P2RX7: variants seen among roughly 807,000 people sequenced by gnomAD.
P2RX7 encodes purinergic receptor P2X 7, also known as P2X purinoceptor 7.
A neutral mutation model predicts 71.6 loss-of-function variants in P2RX7; 62 were observed. That is an observed-to-expected ratio of 0.87 (90% CI 0.71 to 1.07). The LOEUF (loss-of-function observed/expected upper bound fraction) is 1.07. P2RX7 is among the 50% of genes least tolerant of loss of function. The pLI is 0.00. For synonymous variants in P2RX7, 299 were observed against 283.3 expected (o/e 1.06, Z -0.56); for missense variants, 686 against 748.5 (o/e 0.92, Z 0.97).
intron 4 of P2RX7, among the ~76,000 whole-genome samples, chr12:121,161,666 C>T (rs1879747471): frequency 6.6e-6 from 1 of 151,690 alleles, no homozygotes; most frequent in South Asian, 2.1e-4. Context: ...GTGGCACACG[C>T]TTATAATCCC....
At chr12:121,157,968 G>C (rs567864547) in intron 3 of P2RX7, among the ~76,000 whole-genome samples, 1 of 152,312 alleles carries the variant, frequency 6.6e-6, no homozygotes, top group East Asian at 1.9e-4. Context: ...GTCACTCAGA[G>C]TGACTGGAAC....
At chr12:121,144,765 G>T (rs952614758) in intron 1 of P2RX7, among the ~76,000 whole-genome samples, 2 of 152,144 alleles carry the variant, frequency 1.3e-5, no homozygotes, top group Non-Finnish European at 2.9e-5. Flanking sequence ...GAGAGAAGTA[G>T]ATGAATTTGA....
chr12:121,177,598 T>G, intron 11 of P2RX7, 152 bp downstream of exon 11: 1 of 787,730 alleles, frequency 1.3e-6, no homozygotes, highest in African/African-American at 1.7e-5. Context: ...TCAGATAAAT[T>G]TTTTGGTCTT....
At chr12:121,175,108 G>A (rs561086119) in intron 8 of P2RX7, among the ~76,000 whole-genome samples, 14 of 152,002 alleles carry the variant, frequency 9.2e-5, no homozygotes, top group African/African-American at 2.2e-4. Flanking sequence ...TCAGGAGTTC[G>A]AGACCAGCCT....
intron 1 of P2RX7, among the ~76,000 whole-genome samples, chr12:121,148,146 G>A (rs1371991834): frequency 6.6e-6 from 1 of 151,984 alleles, no homozygotes; most frequent in Non-Finnish European, 1.5e-5. Context: ...ATATCTAGAA[G>A]ACACTCCCAT....
At chr12:121,168,450 G>A (rs566750128) in intron 8 of P2RX7, among the ~76,000 whole-genome samples, 43 of 152,054 alleles carry the variant, frequency 2.8e-4, no homozygotes, top group Non-Finnish European at 4.0e-4. Flanking sequence ...TGTATATTCA[G>A]TAGAGATGGG....
intron 1 of P2RX7, among the ~76,000 whole-genome samples, chr12:121,153,294 C>A (rs1877846110): frequency 6.6e-6 from 1 of 152,186 alleles, no homozygotes; most frequent in African/African-American, 2.4e-5. Context: ...GGGCAGCCAT[C>A]ATCTTAGACT....
rs1246748796 is a variant in P2RX7, at chr12:121,185,779, G to C, written c.*977G>C. 2 of 152,192 alleles carry C rather than the reference G, an allele frequency of 1.3e-5. No individual in the cohort carries two copies. Among genetic ancestry groups the C allele is most frequent in the African/African-American group, 4.8e-5 (2 of 41,396 alleles). The allele number at this position is 152,192 out of a possible 1,614,324, so 9.4% of individuals were successfully genotyped here. On this transcript the variant is annotated 3_prime_UTR_variant, in exon 13 of 13. Coordinates refer to ENST00000328963, the MANE Select transcript of P2RX7 (RefSeq NM_002562.6). ...TTTAAAAGTCTGCCTATCCTGGCCAGGTGTGGTGGCTCACACCTGTAATCC... is the reference window on the plus strand; with the variant it reads ...TTTAAAAGTCTGCCTATCCTGGCCACGTGTGGTGGCTCACACCTGTAATCC...
intron 7 of P2RX7, 73 bp downstream of exon 7, chr12:121,166,260 C>T: frequency 1.3e-6 from 2 of 1,503,310 alleles, no homozygotes; most frequent in South Asian, 2.5e-5. Context: ...AGCCAAGAGG[C>T]CGGGCCACTG....
chr12:121,140,320 A>G (rs1460612745), intron 1 of P2RX7, among the ~76,000 whole-genome samples: 3 of 152,170 alleles, frequency 2.0e-5, no homozygotes, highest in East Asian at 1.9e-4. Flanking sequence ...AAGAGTTGCT[A>G]TTTGATTTTC....
At chr12:121,175,107 C>T (rs951609493) in intron 8 of P2RX7, among the ~76,000 whole-genome samples, 5 of 151,872 alleles carry the variant, frequency 3.3e-5, no homozygotes, top group Non-Finnish European at 7.4e-5. Context: ...CTCAGGAGTT[C>T]GAGACCAGCC....
chr12:121,161,308 C>T (rs1461195236), intron 4 of P2RX7, among the ~76,000 whole-genome samples: 1 of 152,202 alleles, frequency 6.6e-6, no homozygotes, highest in African/African-American at 2.4e-5. Flanking sequence ...GGACCATGAA[C>T]TTTTACCCCC....
intron 12 of P2RX7, among the ~76,000 whole-genome samples, chr12:121,183,539 C>A (rs1288742887): frequency 6.7e-6 from 1 of 150,086 alleles, no homozygotes; most frequent in East Asian, 2.0e-4. Context: ...CCACTGCACT[C>A]CAGCCTGGGA....
chr12:121,133,225 G>T, intron 1 of P2RX7, 130 bp downstream of exon 1: 3 of 1,073,686 alleles, frequency 2.8e-6, no homozygotes, highest in Non-Finnish European at 4.2e-6. Flanking sequence ...CTCACAGCCA[G>T]CTGGGCGGGA....
chr12:121,134,609 C>T (rs575714345), intron 1 of P2RX7, among the ~76,000 whole-genome samples: 1 of 152,324 alleles, frequency 6.6e-6, no homozygotes, highest in African/African-American at 2.4e-5. Context: ...CCAGGCTGGT[C>T]TCAAACTCCT....
chr12:121,179,376 T>C (rs1280484393), intron 11 of P2RX7, among the ~76,000 whole-genome samples: 2 of 151,932 alleles, frequency 1.3e-5, no homozygotes, highest in African/African-American at 2.4e-5. Flanking sequence ...GGCGCATGCC[T>C]GTAATCCCAG....
intron 11 of P2RX7, among the ~76,000 whole-genome samples, chr12:121,179,344 C>G (rs919054743): frequency 4.6e-5 from 7 of 151,604 alleles, no homozygotes; most frequent in African/African-American, 1.7e-4. Context: ...ACTAAAAATA[C>G]AAAAAATTAG....
At chr12:121,169,658 C>A (rs932343860) in intron 8 of P2RX7, among the ~76,000 whole-genome samples, 1 of 152,160 alleles carries the variant, frequency 6.6e-6, no homozygotes, top group Non-Finnish European at 1.5e-5. Flanking sequence ...GTAATCCCAG[C>A]ACTTTGGGAG....
At chr12:121,160,110 TC>T (rs1167896700) in intron 3 of P2RX7, among the ~76,000 whole-genome samples, 3 of 151,892 alleles carry the variant, frequency 2.0e-5, no homozygotes, top group African/African-American at 7.3e-5. Context: ...TCTTTTTTTT[TC>T]CTTTCTTTCT....
Sources: gnomAD v4.1 joint callset for allele counts (sites outside exome capture counted in the v4.1 genomes callset) on GRCh38, gnomAD v4.1.1 for gene constraint, MANE v1.5 for transcripts, NCBI Gene and HGNC (gene_info 2026-07-23, HGNC 2026-07-21) for gene names.